RFFL: variants seen among roughly 807,000 people sequenced by gnomAD.
RFFL encodes ring finger and FYVE like domain containing E3 ubiquitin protein ligase.
RFFL carries 16 observed loss-of-function variants against 40.4 expected under a neutral mutation model. The observed-to-expected ratio is 0.40, with a 90% CI of 0.27 to 0.60. The LOEUF (loss-of-function observed/expected upper bound fraction) is 0.60. RFFL is among the 20% of genes least tolerant of loss of function. The pLI is 0.47. For missense variants in RFFL, 367 were observed against 451.7 expected (o/e 0.81, Z 1.70); for synonymous variants, 154 against 167.9 (o/e 0.92, Z 0.64).
intron 1 of RFFL, among the ~76,000 whole-genome samples, chr17:35,083,465 T>A (rs2091412561): frequency 6.6e-6 from 1 of 152,150 alleles, no homozygotes; most frequent in Non-Finnish European, 1.5e-5. Flanking sequence ...TCAATGTGCA[T>A]AATTTCACTC....
intron 1 of RFFL, among the ~76,000 whole-genome samples, chr17:35,032,809 T>A (rs1247282978): frequency 6.6e-6 from 1 of 152,008 alleles, no homozygotes; most frequent in Non-Finnish European, 1.5e-5. Flanking sequence ...GAAAAAAGAA[T>A]GCTCAGAGCA....
chr17:35,021,634 T>C lies in RFFL; in HGVS notation c.328A>G (p.Arg110Gly). Residue 110 changes from arginine (R) to glycine (G), a missense_variant, in exon 3 of 7, where the codon AGG becomes GGG. Coordinates refer to ENST00000394597, the MANE Select transcript of RFFL (RefSeq NM_001017368.2). ...ELMKMKVKDLRDYLSLHDIST... is the reference protein window; with the variant it reads ...ELMKMKVKDLGDYLSLHDIST... Reference sequence around the variant, plus strand: ...ATGTCATGGAGGCTGAGATAGTCCCTCAAGTCCTTCACCTTCATCTTCATG... The same window carrying C: ...ATGTCATGGAGGCTGAGATAGTCCCCCAAGTCCTTCACCTTCATCTTCATG... The C allele has an allele frequency of 6.2e-7, 1 of 1,614,218 alleles. No individual in the cohort carries two copies. Among genetic ancestry groups the C allele is most frequent in the Non-Finnish European group, 8.5e-7 (1 of 1,180,036 alleles).
intron 1 of RFFL, among the ~76,000 whole-genome samples, chr17:35,071,294 G>A (rs534224329): frequency 2.0e-5 from 3 of 152,068 alleles, no homozygotes; most frequent in African/African-American, 7.2e-5. Context: ...TGGTGAGACT[G>A]TAAAATGGTA....
chr17:35,042,703 T>G (rs1456344076), intron 1 of RFFL, among the ~76,000 whole-genome samples: 1 of 151,186 alleles, frequency 6.6e-6, no homozygotes, highest in Non-Finnish European at 1.5e-5. Context: ...CATGCACCTG[T>G]AGTCCCAGCT....
chr17:35,075,991 T>TC (rs2091374067), intron 1 of RFFL, among the ~76,000 whole-genome samples: 1 of 139,012 alleles, frequency 7.2e-6, no homozygotes, highest in South Asian at 2.4e-4. Flanking sequence ...TTATTCTTTT[T>TC]TTTTTTTTTT....
At chr17:35,055,538 G>C (rs1430934891) in intron 1 of RFFL, among the ~76,000 whole-genome samples, 1 of 151,770 alleles carries the variant, frequency 6.6e-6, no homozygotes, top group African/African-American at 2.4e-5. Flanking sequence ...CAGGTGTGGT[G>C]GCACACACCT....
At position 35,008,580 on chromosome 17, in the gene RFFL, A is replaced by G. The variant is rs912109953; in HGVS notation, c.*3388T>C. Reference sequence around the variant, plus strand: ...CAAGTAGTTGGGACTACCCACATGCACCACCATGCACGGCTAATTTTTTGG... The same window carrying G: ...CAAGTAGTTGGGACTACCCACATGCGCCACCATGCACGGCTAATTTTTTGG... On this transcript the variant is annotated 3_prime_UTR_variant, in exon 7 of 7. Coordinates refer to ENST00000394597, the MANE Select transcript of RFFL (RefSeq NM_001017368.2). 2.6e-5 allele frequency: 4 copies of G among 151,622 alleles called. No homozygotes were observed. The highest frequency in any genetic ancestry group is 9.7e-5 in the African/African-American group (4 of 41,228). 9.4% of individuals were successfully genotyped at this position (151,622 alleles called of 1,614,324 possible).
intron 1 of RFFL, among the ~76,000 whole-genome samples, chr17:35,055,230 T>C (rs2091253830): frequency 6.6e-6 from 1 of 151,228 alleles, no homozygotes; most frequent in African/African-American, 2.4e-5. Context: ...TGGTCACCAA[T>C]GATCTTCTGA....
At chr17:35,050,743 C>T (rs1178479645) in intron 1 of RFFL, among the ~76,000 whole-genome samples, 1 of 152,008 alleles carries the variant, frequency 6.6e-6, no homozygotes, top group Non-Finnish European at 1.5e-5. Flanking sequence ...AAGGCCGAGG[C>T]GGGCAGATCA....
At chr17:35,016,225 AGCTATTATTAGACGGT>A in intron 5 of RFFL, 129 bp downstream of exon 5, 1 of 701,312 alleles carries the variant, frequency 1.4e-6, no homozygotes, top group Non-Finnish European at 2.4e-6. Context: ...CACAAATGAC[AGCTATTATTAGACGGT>A]GCAAATATGT....
chr17:35,016,872 C>T (rs2090977334), intron 4 of RFFL, among the ~76,000 whole-genome samples: 1 of 151,992 alleles, frequency 6.6e-6, no homozygotes. Flanking sequence ...GTCATATGAC[C>T]CTAATTTTGA....
At chr17:35,071,386 C>T (rs750673066) in intron 1 of RFFL, among the ~76,000 whole-genome samples, 5 of 151,648 alleles carry the variant, frequency 3.3e-5, no homozygotes, top group Admixed American at 6.6e-5. Flanking sequence ...GGGAGGACAT[C>T]GTGGGCAGAT....
At chr17:35,022,215 T>C (rs1476113979) in intron 2 of RFFL, among the ~76,000 whole-genome samples, 1 of 152,224 alleles carries the variant, frequency 6.6e-6, no homozygotes, top group Non-Finnish European at 1.5e-5. Context: ...GTGATAACAG[T>C]ATCTACCTCA....
chr17:35,018,822 C>G (rs930134997), intron 3 of RFFL: 1 of 152,242 alleles, frequency 6.6e-6, no homozygotes, highest in Non-Finnish European at 1.5e-5. Context: ...TCACTGGTCT[C>G]TCAGGTAGTG....
upstream of RFFL, among the ~76,000 whole-genome samples, chr17:35,064,854 A>C (rs1319058028): frequency 6.6e-6 from 1 of 152,132 alleles, no homozygotes; most frequent in Non-Finnish European, 1.5e-5. Flanking sequence ...ATACTACTTA[A>C]TTTTCTATTC....
intron 1 of RFFL, among the ~76,000 whole-genome samples, chr17:35,072,539 C>A (rs890294677): frequency 6.6e-6 from 1 of 151,508 alleles, no homozygotes; most frequent in African/African-American, 2.4e-5. Flanking sequence ...TACACAAATC[C>A]ATACATGTGA....
rs191932953 is a variant in RFFL, at chr17:35,017,712, C to G, written c.592-106G>C. 2.2e-4 allele frequency: 171 copies of G among 761,358 alleles called. No homozygotes were observed. In the African/African-American group the frequency reaches 2.7e-3, roughly 12 times the overall value. 47.2% of individuals were successfully genotyped at this position (761,358 alleles called of 1,614,324 possible). ...ATGTCCAGAATGTACTCCCATCATG[C>G]CCAGAAATCCGGAGCCTCTTACAGC... On this transcript the variant is annotated intron_variant, in intron 3 of 6. Transcript: ENST00000394597.
chr17:35,016,183 A>T (rs966144554), intron 5 of RFFL, among the ~76,000 whole-genome samples, 187 bp downstream of exon 5: 1 of 152,250 alleles, frequency 6.6e-6, no homozygotes, highest in African/African-American at 2.4e-5. Flanking sequence ...AAATACATAC[A>T]TGCAATGCCT....
intron 1 of RFFL, among the ~76,000 whole-genome samples, chr17:35,076,252 C>A (rs1049131723): frequency 2.0e-5 from 3 of 151,848 alleles, no homozygotes; most frequent in Non-Finnish European, 4.4e-5. Flanking sequence ...CCTCAGGCCT[C>A]CAAAAGTGTT....
Sources: gnomAD v4.1 joint callset for allele counts (sites outside exome capture counted in the v4.1 genomes callset) on GRCh38, gnomAD v4.1.1 for gene constraint, MANE v1.5 for transcripts, NCBI Gene and HGNC (gene_info 2026-07-23, HGNC 2026-07-21) for gene names.